The following RIC1 variants were observed in gnomAD, a reference collection of about 807,000 sequenced individuals.
RIC1 encodes the protein RIC1 partner of RAB6A GEF complex.
In RIC1, 88 loss-of-function variants were observed where a neutral mutation model predicts 169.0. The observed-to-expected ratio is 0.52, with a 90% CI of 0.44 to 0.62. The LOEUF (loss-of-function observed/expected upper bound fraction) is 0.62. Among genes scored for constraint, RIC1 ranks in the 20% least tolerant of loss-of-function variants. The probability of loss-of-function intolerance (pLI) is 0.00; values close to 1 mark genes in which losing one functional copy is unlikely to be tolerated. For synonymous variants in RIC1, 790 were observed against 601.5 expected, an observed-to-expected ratio of 1.31 and a Z score of -4.59; for missense variants, 1,877 against 1,725.5, an observed-to-expected ratio of 1.09 and a Z score of -1.56.
At chr9:5,684,101 G>T (rs1296028348) in intron 2 of RIC1, among the ~76,000 whole-genome samples, 1 of 152,102 alleles carries the variant, frequency 6.6e-6, no homozygotes, top group Non-Finnish European at 1.5e-5. Flanking sequence ...CCCAGGTGAG[G>T]TGATGCCTTG....
Position 5,632,302 on chromosome 9 carries a change from A to G in RIC1, c.144+2849A>G, listed in dbSNP as rs922248569. 5.3e-5 allele frequency among the ~76,000 whole-genome samples: 8 copies of G among 152,214 alleles called. No individual in the cohort carries two copies. The South Asian group carries it at 1.2e-3, about 24-fold the overall frequency. On this transcript the variant is annotated intron_variant, in intron 1 of 25. Transcript: ENST00000414202. ...TGTTCAAAAGAATTGTGGAAATTGT[A>G]TGTGTACAGTGATAATTCATAAGAC...
At chr9:5,632,388 A>T (rs1229438932) in intron 1 of RIC1, among the ~76,000 whole-genome samples, 1 of 152,180 alleles carries the variant, frequency 6.6e-6, no homozygotes. Context: ...ACTTTTATGT[A>T]CTACTTATAC....
rs111426587 is a variant in RIC1 at position 5,691,023 on chromosome 9, G to T, written c.332+985G>T. On this transcript the variant is annotated intron_variant, in intron 3 of 25. Transcript: ENST00000414202. Reference sequence around the variant, plus strand: ...TTTTAATAATTAAAGAATTATTACTGCTCGCAGAGGTATAATAAAAGTTGT... The same window carrying T: ...TTTTAATAATTAAAGAATTATTACTTCTCGCAGAGGTATAATAAAAGTTGT... Among the ~76,000 whole-genome samples the T allele has an allele frequency of 5.2e-4, 79 of 151,958 alleles. 1 individual carries two copies. The highest frequency in any genetic ancestry group is 1.9e-3 in the African/African-American group (77 of 41,504).
chr9:5,650,652 G>A (rs1818754727), intron 1 of RIC1, among the ~76,000 whole-genome samples: 1 of 152,060 alleles, frequency 6.6e-6, no homozygotes, highest in African/African-American at 2.4e-5. Flanking sequence ...GTTCAAGTGT[G>A]CTGCAGTCTT....
Position 5,746,045 on chromosome 9 carries a change from C to A in RIC1, c.1210C>A (p.Gln404Lys), listed in dbSNP as rs1178622986. 2 of 1,613,592 alleles carry A rather than the reference C, an allele frequency of 1.2e-6. No homozygotes were observed. Among genetic ancestry groups the A allele is most frequent in the East Asian group, 4.5e-5 (2 of 44,868 alleles). The change falls in exon 11 of 26, where the codon CAG (glutamine) becomes AAG (lysine). Residue 404 changes from glutamine to lysine, a missense_variant. Around this residue, in one of 3 missense-constraint regions of RIC1, gnomAD observed 1,104 missense variants for 992.0 expected, o/e 1.11. Transcript: ENST00000414202. ...TAAACAGCCCAGCATCCTGTTATTT[C>A]AGTTTATTAAGAGTGTACTCACTGT... Reference protein sequence around the residue: ...VVKQPSILLFQFIKSVLTVNP... With the variant: ...VVKQPSILLFKFIKSVLTVNP...
chr9:5,760,503 G>A (rs75416493), intron 17 of RIC1, among the ~76,000 whole-genome samples: 9,763 of 152,202 alleles, frequency 0.064, 1,017 homozygotes, highest in African/African-American at 0.22. Context: ...TCATATTGTG[G>A]TGAATTACAG....
intron 14 of RIC1, among the ~76,000 whole-genome samples, chr9:5,753,968 T>G (rs543172816): frequency 2.0e-5 from 3 of 152,318 alleles, no homozygotes; most frequent in African/African-American, 7.2e-5. Context: ...TTCCACAGAA[T>G]TTGAGATCAT....
intron 2 of RIC1, among the ~76,000 whole-genome samples, chr9:5,682,112 A>G (rs1381813684): frequency 6.6e-6 from 1 of 152,158 alleles, no homozygotes; most frequent in Non-Finnish European, 1.5e-5. Flanking sequence ...GTCTTTATCC[A>G]ATTTGCCAGT....
chr9:5,650,738 G>A (rs1440604792), intron 1 of RIC1, among the ~76,000 whole-genome samples: 2 of 152,080 alleles, frequency 1.3e-5, no homozygotes, highest in East Asian at 1.9e-4. Context: ...AGAAGTGTAC[G>A]CTTTGGCTCT....
rs150830338 is a variant in RIC1, at chr9:5,682,117, G to A, written c.253-7842G>A. Among the ~76,000 whole-genome samples, 1,408 of 152,218 alleles carry A rather than the reference G, an allele frequency of 9.2e-3. 18 individuals carry two copies. The highest frequency in any genetic ancestry group is 0.032 in the African/African-American group (1,343 of 41,528). The stretch of plus-strand genomic sequence containing the variant: ...TGGGTCTTGAGTCTTTATCCAATTT[G>A]CCAGTCTGTGTCTTTTAATTGGAGC... On this transcript the variant is annotated intron_variant, in intron 2 of 25. Coordinates refer to ENST00000414202, the MANE Select transcript of RIC1 (RefSeq NM_020829.4).
intron 1 of RIC1, among the ~76,000 whole-genome samples, chr9:5,632,050 T>C (rs1817740693): frequency 6.6e-6 from 1 of 152,226 alleles, no homozygotes; most frequent in African/African-American, 2.4e-5. Context: ...TATAATAATA[T>C]GTGAAGATCT....
At chr9:5,745,294 G>A (rs960920279) in intron 10 of RIC1, among the ~76,000 whole-genome samples, 11 of 152,144 alleles carry the variant, frequency 7.2e-5, no homozygotes, top group African/African-American at 2.2e-4. Flanking sequence ...TTCTTGGCTT[G>A]AAGATTGAGA....
intron 6 of RIC1, among the ~76,000 whole-genome samples, chr9:5,724,633 G>A (rs1823836918): frequency 6.6e-6 from 1 of 152,166 alleles, no homozygotes; most frequent in African/African-American, 2.4e-5. Context: ...TCCCTGTCTT[G>A]TGCCAGTTTT....
chr9:5,660,170 G>C (rs1208468815), intron 2 of RIC1, among the ~76,000 whole-genome samples: 1 of 152,132 alleles, frequency 6.6e-6, no homozygotes, highest in African/African-American at 2.4e-5. Context: ...CCATGTCCCT[G>C]CAAAGGATAT....
intron 10 of RIC1, 89 bp from the exon 11 acceptor site, chr9:5,745,842 T>C: frequency 9.2e-7 from 1 of 1,081,736 alleles, no homozygotes; most frequent in South Asian, 1.5e-5. Flanking sequence ...TATCATTGGC[T>C]ATTTCAGAAT....
chr9:5,726,512 G>A (rs1342574349), intron 6 of RIC1, among the ~76,000 whole-genome samples: 1 of 152,132 alleles, frequency 6.6e-6, no homozygotes, highest in African/African-American at 2.4e-5. Flanking sequence ...TATCCAATTT[G>A]CCAGTCTGTG....
At chr9:5,653,754 C>T (rs112434538) in intron 1 of RIC1, among the ~76,000 whole-genome samples, 51 of 151,948 alleles carry the variant, frequency 3.4e-4, no homozygotes, top group African/African-American at 1.0e-3. Flanking sequence ...CACACCACTA[C>T]GCCCGGCTAA....
chr9:5,723,249 T>C (rs1823725065), intron 6 of RIC1, among the ~76,000 whole-genome samples: 1 of 152,204 alleles, frequency 6.6e-6, no homozygotes, highest in South Asian at 2.1e-4. Flanking sequence ...GATCACCATT[T>C]TAACTGGTGT....
At chr9:5,688,327 T>G (rs1821375546) in intron 2 of RIC1, among the ~76,000 whole-genome samples, 2 of 152,222 alleles carry the variant, frequency 1.3e-5, no homozygotes, top group Non-Finnish European at 2.9e-5. Context: ...CACAAGGCAG[T>G]AAGCTGGGTA....
Sources: allele counts gnomAD v4.1 joint callset (sites outside exome capture counted in the v4.1 genomes callset), GRCh38; gene constraint gnomAD v4.1.1; regional missense constraint gnomAD v4.1.1; transcripts MANE v1.5; gene names NCBI Gene and HGNC (gene_info 2026-07-23, HGNC 2026-07-21).